The following ERBB4 variants were observed in gnomAD, a reference collection of about 807,000 sequenced individuals.
ERBB4 encodes receptor tyrosine-protein kinase erbB-4.
A neutral mutation model predicts 158.0 loss-of-function variants in ERBB4; 42 were observed. That is an observed-to-expected ratio of 0.27 (90% CI 0.21 to 0.34). The LOEUF is 0.34. Ranked by LOEUF, ERBB4 falls within the 10% of genes least tolerant of loss-of-function variation. The pLI is 1.00. For missense variants in ERBB4, 1,333 were observed against 1,624.1 expected (o/e 0.82, Z 3.08); for synonymous variants, 583 against 558.7 (o/e 1.04, Z -0.61).
chr2:211,994,801 G>A (rs962928287), intron 2 of ERBB4, among the ~76,000 whole-genome samples: 2 of 152,134 alleles, frequency 1.3e-5, no homozygotes, highest in Non-Finnish European at 2.9e-5. Context: ...GAGAGCAACA[G>A]CAAAAACAGC....
chr2:211,920,854 C>T (rs1414211090), intron 3 of ERBB4, among the ~76,000 whole-genome samples: 3 of 151,658 alleles, frequency 2.0e-5, no homozygotes, highest in Non-Finnish European at 2.9e-5. Flanking sequence ...TATCTCATAG[C>T]CATATCCCTT....
intron 1 of ERBB4, among the ~76,000 whole-genome samples, chr2:212,214,248 C>A (rs910504884): frequency 1.3e-5 from 2 of 151,656 alleles, no homozygotes; most frequent in Non-Finnish European, 3.0e-5. Context: ...CTGCACTGCC[C>A]AATAGAGTGA....
chr2:211,934,807 C>G (rs913759221), intron 3 of ERBB4, among the ~76,000 whole-genome samples: 2 of 151,234 alleles, frequency 1.3e-5, no homozygotes, highest in African/African-American at 4.9e-5. Context: ...GCTTAAGTAG[C>G]CTGATAGCAT....
intron 20 of ERBB4, among the ~76,000 whole-genome samples, chr2:211,528,717 T>A (rs1010635094): frequency 6.6e-6 from 1 of 151,984 alleles, no homozygotes; most frequent in African/African-American, 2.4e-5. Context: ...TTTGAAATTA[T>A]ACAAACACAT....
chr2:212,244,915 C>T (rs368875798), intron 1 of ERBB4, among the ~76,000 whole-genome samples: 11 of 152,072 alleles, frequency 7.2e-5, no homozygotes, highest in African/African-American at 2.4e-4. Context: ...ACATGTATTT[C>T]CTCATTTAAT....
At chr2:212,192,040 A>ATATGT (rs1284057479) in intron 1 of ERBB4, among the ~76,000 whole-genome samples, 462 of 10,516 alleles carry the variant, frequency 0.044, 7 homozygotes, top group Non-Finnish European at 0.052. Context: ...GTTATATGTT[A>ATATGT]TATATATGTT....
At chr2:211,689,643 A>G (rs2072716838) in intron 12 of ERBB4, among the ~76,000 whole-genome samples, 1 of 152,234 alleles carries the variant, frequency 6.6e-6, no homozygotes, top group Non-Finnish European at 1.5e-5. Context: ...CGAATTCTAT[A>G]TAATAGACAA....
rs73989053 is a variant in ERBB4, at chr2:212,538,367, G to A, written c.82+82C>T. 201,944 of 1,220,908 alleles carry A rather than the reference G, an allele frequency of 0.17. 18,510 individuals are homozygous for A. The highest frequency in any genetic ancestry group is 0.32 in the African/African-American group (21,652 of 67,172). The allele number at this position is 1,220,908 out of a possible 1,614,324, so 75.6% of individuals were successfully genotyped here. A position where few individuals can be genotyped will look rare whatever the true frequency, so the allele number is the denominator to read the frequency against. On this transcript the variant is annotated intron_variant, in intron 1 of 27. Coordinates refer to ENST00000342788, the MANE Select transcript of ERBB4 (RefSeq NM_005235.3). The stretch of plus-strand genomic sequence containing the variant: ...CGGTCCCTCCACGCCTCCCGGGATG[G>A]GTGAAGAGGGCAGGGGAGCCACTCG...
intron 1 of ERBB4, among the ~76,000 whole-genome samples, chr2:212,190,678 T>C (rs990047485): frequency 2.6e-5 from 4 of 152,152 alleles, no homozygotes; most frequent in African/African-American, 9.7e-5. Context: ...GTCAACCAAT[T>C]AAAATTCAAA....
intron 1 of ERBB4, among the ~76,000 whole-genome samples, chr2:212,333,603 A>T (rs1332740551): frequency 1.3e-5 from 2 of 151,240 alleles, no homozygotes; most frequent in Admixed American, 1.3e-4. Flanking sequence ...CTGAGGTGGG[A>T]GGATTGCTTG....
chr2:212,486,979 G>A (rs138700789), intron 1 of ERBB4, among the ~76,000 whole-genome samples: 79 of 152,178 alleles, frequency 5.2e-4, no homozygotes, highest in Non-Finnish European at 1.0e-3. Context: ...GTACAGAGAA[G>A]AAATAACTCC....
intron 4 of ERBB4, among the ~76,000 whole-genome samples, chr2:211,786,147 T>A (rs2076158297): frequency 6.6e-6 from 1 of 152,158 alleles, no homozygotes; most frequent in African/African-American, 2.4e-5. Flanking sequence ...GTAAAGATAA[T>A]AATGACCCCC....
At chr2:212,399,563 TATATATATATATATATATATATTG>T (rs2091137211) in intron 1 of ERBB4, among the ~76,000 whole-genome samples, 1 of 24,968 alleles carries the variant, frequency 4.0e-5, no homozygotes. Flanking sequence ...TATATATATA[TATATATATATATATATATATATTG>T]GGCGTGGTGT....
intron 3 of ERBB4, among the ~76,000 whole-genome samples, chr2:211,872,442 A>ATTTT (rs2078376361): frequency 2.0e-5 from 3 of 152,194 alleles, no homozygotes. Context: ...TTTCTTGAGA[A>ATTTT]CACCAATTTT....
intron 5 of ERBB4, among the ~76,000 whole-genome samples, chr2:211,732,971 C>T (rs899914549): frequency 5.9e-5 from 9 of 151,960 alleles, no homozygotes; most frequent in Admixed American, 1.3e-4. Flanking sequence ...AGTGAGACTC[C>T]GTCTCAAAAA....
chr2:212,299,805 C>T (rs1364122299), intron 1 of ERBB4, among the ~76,000 whole-genome samples: 1 of 151,560 alleles, frequency 6.6e-6, no homozygotes, highest in Non-Finnish European at 1.5e-5. Context: ...AATAGTTTTT[C>T]ACAAACTATC....
At chr2:212,301,609 A>G (rs545226014) in intron 1 of ERBB4, among the ~76,000 whole-genome samples, 1 of 151,478 alleles carries the variant, frequency 6.6e-6, no homozygotes, top group East Asian at 2.0e-4. Flanking sequence ...TCTCCAGTGT[A>G]GTAACTTTTG....
At chr2:212,027,380 T>G (rs1378786690) in intron 2 of ERBB4, among the ~76,000 whole-genome samples, 1 of 152,102 alleles carries the variant, frequency 6.6e-6, no homozygotes, top group Non-Finnish European at 1.5e-5. Flanking sequence ...TATTTATTTT[T>G]TTATTTCATA....
At chr2:212,076,474 G>T (rs916911565) in intron 2 of ERBB4, among the ~76,000 whole-genome samples, 2 of 151,844 alleles carry the variant, frequency 1.3e-5, no homozygotes, top group African/African-American at 4.8e-5. Flanking sequence ...CTACACATCA[G>T]AAAATAAATA....
Sources: allele counts gnomAD v4.1 joint callset (sites outside exome capture counted in the v4.1 genomes callset), GRCh38; gene constraint gnomAD v4.1.1; transcripts MANE v1.5; gene names NCBI Gene and HGNC (gene_info 2026-07-23, HGNC 2026-07-21).